Variants in PSMD1 observed in about 807,000 individuals in gnomAD.
PSMD1 encodes 26S proteasome non-ATPase regulatory subunit 1.
PSMD1 carries 18 observed loss-of-function variants against 119.0 expected under a neutral mutation model. That is an observed-to-expected ratio of 0.15 (90% CI 0.10 to 0.22). The LOEUF (loss-of-function observed/expected upper bound fraction) is 0.22. Among genes scored for constraint, PSMD1 ranks in the 10% least tolerant of loss-of-function variants. The probability of loss-of-function intolerance (pLI) is 1.00; values close to 1 mark genes in which losing one functional copy is unlikely to be tolerated. For missense variants in PSMD1, 702 were observed against 1,158.5 expected (o/e 0.61, Z 5.72); for synonymous variants, 374 against 396.6 (o/e 0.94, Z 0.68).
chr2:231,129,258 A>T (rs371659155), intron 16 of PSMD1, among the ~76,000 whole-genome samples: 9 of 152,358 alleles, frequency 5.9e-5, no homozygotes, highest in Admixed American at 3.3e-4. Flanking sequence ...CAGCTCACTC[A>T]TACTGCAAGA....
chr2:231,122,966 T>C (rs1040224714), intron 16 of PSMD1, among the ~76,000 whole-genome samples: 2 of 152,178 alleles, frequency 1.3e-5, no homozygotes, highest in Admixed American at 6.5e-5. Context: ...AATTTTAAAC[T>C]GGGGTTTAGT....
At chr2:231,089,434 G>A (rs1338295746) in intron 16 of PSMD1, among the ~76,000 whole-genome samples, 1 of 152,096 alleles carries the variant, frequency 6.6e-6, no homozygotes, top group East Asian at 1.9e-4. Context: ...TAATGCAGTG[G>A]GTGACTTTAA....
intron 16 of PSMD1, among the ~76,000 whole-genome samples, chr2:231,115,864 CCTA>C (rs1695314697): frequency 6.6e-6 from 1 of 152,108 alleles, no homozygotes. Flanking sequence ...TCATCTCAGA[CCTA>C]CTGTATCAGA....
intron 5 of PSMD1, 121 bp downstream of exon 5, chr2:231,067,232 T>G (rs1322933721): frequency 8.5e-6 from 6 of 705,034 alleles, no homozygotes; most frequent in Non-Finnish European, 1.3e-5. Flanking sequence ...GCAGGTGATC[T>G]TTTGCCAAAT....
chr2:231,084,993 G>A (rs760525465), intron 14 of PSMD1, 26 bp from the exon 15 acceptor site: 28 of 1,562,652 alleles, frequency 1.8e-5, no homozygotes, highest in Non-Finnish European at 2.3e-5. Context: ...ATAAGTTGAT[G>A]ATTAATGTTA....
rs546201178 is a variant in PSMD1, at chr2:231,111,980, A to C, written c.1883+24799A>C. ...TAAACACTCAATAAAAATGTGGTCA[A>C]TTTATAAATTGATGGTATCCAGCCT... On this transcript the variant is annotated intron_variant, in intron 16 of 24. Coordinates refer to ENST00000308696, the MANE Select transcript of PSMD1 (RefSeq NM_002807.4). Among the ~76,000 whole-genome samples the C allele has an allele frequency of 3.9e-5, 6 of 152,342 alleles. No homozygotes were observed. In the South Asian group the frequency reaches 1.2e-3, roughly 32 times the overall value.
At chr2:231,061,504 C>T (rs932421181) in intron 2 of PSMD1, among the ~76,000 whole-genome samples, 194 bp downstream of exon 2, 15 of 152,180 alleles carry the variant, frequency 9.9e-5, no homozygotes, top group African/African-American at 3.4e-4. Flanking sequence ...AAAGCTAAGA[C>T]AAATAAACCT....
chr2:231,134,510 G>C (rs895865980), intron 16 of PSMD1, among the ~76,000 whole-genome samples: 5 of 152,148 alleles, frequency 3.3e-5, no homozygotes, highest in African/African-American at 1.2e-4. Context: ...CAGCCACCAG[G>C]TCTTAAGAAA....
intron 20 of PSMD1, among the ~76,000 whole-genome samples, chr2:231,162,222 T>A (rs1257142303): frequency 6.6e-6 from 1 of 152,262 alleles, no homozygotes; most frequent in South Asian, 2.1e-4. Context: ...ATGATTCATC[T>A]TCTTGTTCTT....
chr2:231,172,233 C>T (rs1354013970), intron 24 of PSMD1, among the ~76,000 whole-genome samples: 1 of 152,154 alleles, frequency 6.6e-6, no homozygotes, highest in Admixed American at 6.5e-5. Context: ...TCCCATCAAG[C>T]CTTTGGCAAT....
intron 24 of PSMD1, among the ~76,000 whole-genome samples, chr2:231,171,577 C>T (rs939854149): frequency 8.4e-5 from 10 of 118,522 alleles, no homozygotes; most frequent in Non-Finnish European, 1.5e-4. Flanking sequence ...TTTTTTGAGA[C>T]GGAGTTTCGC....
intron 13 of PSMD1, 79 bp from the exon 14 acceptor site, chr2:231,083,488 A>G: frequency 1.4e-6 from 2 of 1,452,282 alleles, no homozygotes; most frequent in South Asian, 1.2e-5. Context: ...TTATGCAAAA[A>G]GAGTGCTACT....
At position 231,131,438 on chromosome 2, in the gene PSMD1, A is replaced by T. The variant is rs535589619; in HGVS notation, c.1884-7298A>T. On this transcript the variant is annotated intron_variant, in intron 16 of 24. Coordinates refer to ENST00000308696, the MANE Select transcript of PSMD1 (RefSeq NM_002807.4). Reference sequence around the variant, plus strand: ...ATGTGCAGGAGTTTTGCTTTCAGTGAATGTTTGCATTCCAATCATTGCTTA... The same window carrying T: ...ATGTGCAGGAGTTTTGCTTTCAGTGTATGTTTGCATTCCAATCATTGCTTA... Among the ~76,000 whole-genome samples the T allele has an allele frequency of 2.0e-5, 3 of 152,276 alleles. No individual in the cohort carries two copies. The South Asian group carries it at 6.2e-4, about 32-fold the overall frequency.
At chr2:231,152,714 C>G (rs1696399401) in intron 18 of PSMD1, among the ~76,000 whole-genome samples, 1 of 152,140 alleles carries the variant, frequency 6.6e-6, no homozygotes, top group Non-Finnish European at 1.5e-5. Context: ...CTGCTTTTGG[C>G]AGATTTGGGG....
chr2:231,057,552 C>G (rs1430478922), intron 1 of PSMD1, among the ~76,000 whole-genome samples: 1 of 152,228 alleles, frequency 6.6e-6, no homozygotes, highest in Non-Finnish European at 1.5e-5. Context: ...TGGGTCATTT[C>G]TGGGTCCGAT....
At chr2:231,087,054 C>A (rs41265101) in intron 15 of PSMD1, 63 bp from the exon 16 acceptor site, 188 of 1,367,314 alleles carry the variant, frequency 1.4e-4, no homozygotes, top group Non-Finnish European at 1.9e-4. Context: ...GCTGACCTCT[C>A]ATGTCAGTTT....
chr2:231,150,645 T>C (rs991958194), intron 18 of PSMD1, among the ~76,000 whole-genome samples: 3 of 152,146 alleles, frequency 2.0e-5, no homozygotes, highest in East Asian at 1.9e-4. Flanking sequence ...TATCATAATA[T>C]ATAGAGCAGT....
chr2:231,066,707 G>T (rs1251103558), intron 4 of PSMD1, among the ~76,000 whole-genome samples, 199 bp from the exon 5 acceptor site: 1 of 152,114 alleles, frequency 6.6e-6, no homozygotes, highest in Admixed American at 6.6e-5. Context: ...AATGTCAACT[G>T]GATTGGAATT....
At chr2:231,162,741 C>T (rs1336490365) in intron 20 of PSMD1, among the ~76,000 whole-genome samples, 2 of 147,646 alleles carry the variant, frequency 1.4e-5, no homozygotes, top group African/African-American at 5.0e-5. Flanking sequence ...GCAGGAGAAT[C>T]GCTTGAACCC....
Sources: allele counts gnomAD v4.1 joint callset (sites outside exome capture counted in the v4.1 genomes callset), GRCh38; gene constraint gnomAD v4.1.1; transcripts MANE v1.5; gene names NCBI Gene and HGNC (gene_info 2026-07-23, HGNC 2026-07-21).